PLCXD3: variants seen among roughly 807,000 people sequenced by gnomAD.
PLCXD3 encodes the protein phosphatidylinositol specific phospholipase C X domain containing 3.
PLCXD3 carries 19 observed loss-of-function variants against 25.5 expected under a neutral mutation model. The observed-to-expected ratio is 0.75, with a 90% CI of 0.52 to 1.09. The LOEUF is 1.09. PLCXD3 is among the 50% of genes least tolerant of loss of function. The pLI, the probability that PLCXD3 is intolerant of heterozygous loss-of-function variation, is 0.00. For synonymous variants in PLCXD3, 174 were observed against 137.6 expected (o/e 1.26, Z -1.85); for missense variants, 411 against 388.1 (o/e 1.06, Z -0.50).
intron 1 of PLCXD3, among the ~76,000 whole-genome samples, chr5:41,469,364 G>A (rs1043846528): frequency 2.0e-5 from 3 of 151,800 alleles, no homozygotes; most frequent in African/African-American, 7.3e-5. Context: ...CTTTGGTCTC[G>A]GGTCATGCTA....
intron 1 of PLCXD3, among the ~76,000 whole-genome samples, chr5:41,484,267 A>ACC (rs1209084739): frequency 1.3e-4 from 17 of 132,710 alleles, no homozygotes; most frequent in East Asian, 4.3e-4. Context: ...ACACACACAC[A>ACC]CACACTAACT....
chr5:41,473,439 A>G (rs1304013682), intron 1 of PLCXD3, among the ~76,000 whole-genome samples: 1 of 146,204 alleles, frequency 6.8e-6, no homozygotes, highest in African/African-American at 2.5e-5. Flanking sequence ...TTTTGCCATT[A>G]CTTTTTTAAT....
chr5:41,382,173 A>C lies in PLCXD3; in HGVS notation c.465T>G (p.His155Gln). 1 of 1,613,636 alleles carries C rather than the reference A, an allele frequency of 6.2e-7. No homozygotes were observed. The highest frequency in any genetic ancestry group is 2.2e-5 in the East Asian group (1 of 44,844). ...NHFYGMQKYHHEKLVQMLKDI... is the reference protein window; with the variant it reads ...NHFYGMQKYHQEKLVQMLKDI... ...CTTTCAGCATTTGGACCAGTTTTTC[A>C]TGGTGATATTTCTGCATCCCATAAA... is the stretch of plus-strand genomic sequence containing the variant. Residue 155 changes from histidine to glutamine, a missense_variant, in exon 2 of 3, where the codon CAT becomes CAG. Transcript: ENST00000377801.
chr5:41,356,024 G>A (rs939963202), intron 2 of PLCXD3, among the ~76,000 whole-genome samples: 17 of 152,104 alleles, frequency 1.1e-4, no homozygotes, highest in Non-Finnish European at 2.5e-4. Context: ...ATGATCATTG[G>A]GAGGCTGAGG....
chr5:41,468,003 TTTA>T (rs1219618093), intron 1 of PLCXD3, among the ~76,000 whole-genome samples: 2 of 128,638 alleles, frequency 1.6e-5, no homozygotes, highest in East Asian at 4.7e-4. Flanking sequence ...TACTACCAGC[TTTA>T]TTCTTTTTTT....
chr5:41,421,539 A>C (rs898916889), intron 1 of PLCXD3, among the ~76,000 whole-genome samples: 4 of 152,174 alleles, frequency 2.6e-5, no homozygotes, highest in Non-Finnish European at 4.4e-5. Flanking sequence ...GTCTCTACTA[A>C]AAATACAAAA....
In PLCXD3 at chr5:41,510,082, C is replaced by T. The variant is rs567588691; in HGVS notation, c.103+342G>A. Among the ~76,000 whole-genome samples, 139 of 152,294 alleles carry T rather than the reference C, an allele frequency of 9.1e-4. 1 individual carries two copies. The Middle Eastern group carries it at 0.017, about 19-fold the overall frequency. ...TCACCCCGCAGACCCAGAGATTTCT[C>T]CCACTTCCCCAAATCTGCAGGAGAA... On this transcript the variant is annotated intron_variant, in intron 1 of 2. Transcript: ENST00000377801.
chr5:41,490,529 C>A (rs1273744423), intron 1 of PLCXD3, among the ~76,000 whole-genome samples: 1 of 152,126 alleles, frequency 6.6e-6, no homozygotes, highest in Admixed American at 6.5e-5. Context: ...CCTCCTTGTA[C>A]CTCTGGTAGA....
chr5:41,431,363 C>T (rs951398849), intron 1 of PLCXD3, among the ~76,000 whole-genome samples: 21 of 152,196 alleles, frequency 1.4e-4, no homozygotes, highest in African/African-American at 4.3e-4. Context: ...TTAAAAGACA[C>T]ACTAAGTATA....
Position 41,503,000 on chromosome 5 carries a change from G to A in PLCXD3, c.103+7424C>T, listed in dbSNP as rs114049030. Among the ~76,000 whole-genome samples, 1,450 of 152,212 alleles carry A rather than the reference G, an allele frequency of 9.5e-3. 33 individuals are homozygous for A. The highest frequency in any genetic ancestry group is 0.034 in the African/African-American group (1,409 of 41,530). ...ACAACCTTTCTTTTCTTGAGAAAGG[G>A]CCAGGACGGGTCACATAGGTGTGTG... On this transcript the variant is annotated intron_variant, in intron 1 of 2. Coordinates refer to ENST00000377801, the MANE Select transcript of PLCXD3 (RefSeq NM_001005473.3).
chr5:41,379,118 A>T lies in PLCXD3; in HGVS notation c.812+2708T>A, dbSNP rs1580336617. On this transcript the variant is annotated intron_variant, in intron 2 of 2. Transcript: ENST00000377801. ...TCATGCCCAAAATGTAAAAGTTAAA[A>T]ATGAAGCTTCTTTCATTCAAGGTGT... Among the ~76,000 whole-genome samples, 3 of 152,230 alleles carry T rather than the reference A, an allele frequency of 2.0e-5. No individual in the cohort carries two copies. The South Asian group carries it at 6.2e-4, about 32-fold the overall frequency.
intron 2 of PLCXD3, among the ~76,000 whole-genome samples, chr5:41,346,663 C>G (rs967629352): frequency 2.0e-5 from 3 of 152,160 alleles, no homozygotes; most frequent in African/African-American, 7.2e-5. Context: ...GGTACATTCA[C>G]ATTGTTGTAT....
At chr5:41,489,208 T>A (rs1484217127) in intron 1 of PLCXD3, among the ~76,000 whole-genome samples, 1 of 152,168 alleles carries the variant, frequency 6.6e-6, no homozygotes, top group African/African-American at 2.4e-5. Context: ...ATTGCTTGTT[T>A]TTCTCAGGTT....
At chr5:41,381,099 T>C (rs1227737559) in intron 2 of PLCXD3, among the ~76,000 whole-genome samples, 1 of 152,168 alleles carries the variant, frequency 6.6e-6, no homozygotes, top group African/African-American at 2.4e-5. Flanking sequence ...TATATCACTT[T>C]TTTGAACCTC....
At chr5:41,488,966 G>T (rs1748584862) in intron 1 of PLCXD3, among the ~76,000 whole-genome samples, 1 of 151,964 alleles carries the variant, frequency 6.6e-6, no homozygotes, top group African/African-American at 2.4e-5. Flanking sequence ...GTCTTTTGTT[G>T]CCATTGCTTT....
intron 1 of PLCXD3, among the ~76,000 whole-genome samples, chr5:41,465,387 G>A (rs1415213851): frequency 3.7e-5 from 1 of 27,230 alleles, no homozygotes; most frequent in Non-Finnish European, 7.4e-5. Flanking sequence ...TTTTTTTTTT[G>A]CATTTCTACT....
intron 1 of PLCXD3, among the ~76,000 whole-genome samples, chr5:41,456,180 G>T (rs1408100943): frequency 6.6e-6 from 1 of 151,862 alleles, no homozygotes; most frequent in African/African-American, 2.4e-5. Context: ...TTTAAACAGA[G>T]ATCTGAAGTG....
chr5:41,448,217 C>T (rs1747550016), intron 1 of PLCXD3, among the ~76,000 whole-genome samples: 2 of 152,194 alleles, frequency 1.3e-5, no homozygotes, highest in Admixed American at 1.3e-4. Context: ...CCTCTCCCAT[C>T]ATTCCTGGAT....
intron 2 of PLCXD3, among the ~76,000 whole-genome samples, chr5:41,320,432 T>C (rs1050986637): frequency 7.2e-5 from 11 of 152,346 alleles, no homozygotes; most frequent in South Asian, 4.1e-4. Flanking sequence ...TCATGACCAA[T>C]TGGGATTCAT....
Sources: gnomAD v4.1 joint callset for allele counts (sites outside exome capture counted in the v4.1 genomes callset) on GRCh38, gnomAD v4.1.1 for gene constraint, MANE v1.5 for transcripts, NCBI Gene and HGNC (gene_info 2026-07-23, HGNC 2026-07-21) for gene names.